The following TECPR1 variants were observed in gnomAD, a reference collection of about 807,000 sequenced individuals.
The protein encoded by TECPR1 is tectonin beta-propeller repeat-containing protein 1.
A neutral mutation model predicts 162.4 loss-of-function variants in TECPR1; 122 were observed. That is an observed-to-expected ratio of 0.75 (90% CI 0.65 to 0.87). The LOEUF (loss-of-function observed/expected upper bound fraction) is 0.87, where lower values mean the gene tolerates loss of function less well. Among genes scored for constraint, TECPR1 ranks in the 40% least tolerant of loss-of-function variants. TECPR1 has a pLI of 0.00. For missense variants in TECPR1, 1,432 were observed against 1,618.2 expected (o/e 0.88, Z 1.97); for synonymous variants, 642 against 670.6 (o/e 0.96, Z 0.66).
chr7:98,220,360 A>T (rs12535392), intron 23 of TECPR1, among the ~76,000 whole-genome samples: 128,187 of 151,982 alleles, frequency 0.84, 54,873 homozygotes, highest in East Asian at 0.94. Flanking sequence ...CAAAAAAAAA[A>T]TTTTTTAACG....
rs2116510178 is a variant in TECPR1 at position 98,215,451 on chromosome 7, T to C, written c.*1939A>G. 1 of 152,384 alleles carries C rather than the reference T, an allele frequency of 6.6e-6. No homozygotes were observed. Among genetic ancestry groups the C allele is most frequent in the South Asian group, 2.1e-4 (1 of 4,830 alleles). The allele number at this position is 152,384 out of a possible 1,614,324, so 9.4% of individuals were successfully genotyped here. On this transcript the variant is annotated 3_prime_UTR_variant, in exon 26 of 26. Coordinates refer to ENST00000447648, the MANE Select transcript of TECPR1 (RefSeq NM_015395.3). Reference sequence around the variant, plus strand: ...AAAAGATTTCACAGCAATGTCTGCTTCAGGCACACGGGGAACCACGCGTTT... The same window carrying C: ...AAAAGATTTCACAGCAATGTCTGCTCCAGGCACACGGGGAACCACGCGTTT...
chr7:98,217,868 T>C (rs1798054118), intron 24 of TECPR1, 57 bp from the exon 25 acceptor site: 5 of 1,541,618 alleles, frequency 3.2e-6, no homozygotes, highest in African/African-American at 1.4e-5. Context: ...CGGCTGGGCA[T>C]GGGATGGGGG....
intron 21 of TECPR1, 179 bp from the exon 22 acceptor site, chr7:98,222,700 C>T: frequency 1.1e-6 from 1 of 880,720 alleles, no homozygotes; most frequent in East Asian, 2.6e-5. Flanking sequence ...GGGCGCATCT[C>T]ATCCTCCTGC....
At chr7:98,228,981 G>A (rs959044265) in intron 16 of TECPR1, 58 bp downstream of exon 16, 46 of 1,560,952 alleles carry the variant, frequency 2.9e-5, no homozygotes, top group Non-Finnish European at 3.6e-5. Flanking sequence ...GAACCCAGAC[G>A]GGGACTAGAG....
chr7:98,223,834 C>T, intron 19 of TECPR1, 116 bp from the exon 20 acceptor site: 1 of 1,144,456 alleles, frequency 8.7e-7, no homozygotes, highest in Non-Finnish European at 1.3e-6. Flanking sequence ...GGGTGGAAGC[C>T]ATGGATGGGG....
intron 2 of TECPR1, chr7:98,250,814 C>T (rs1444592437): frequency 6.6e-6 from 1 of 151,910 alleles, no homozygotes; most frequent in Non-Finnish European, 1.5e-5. Context: ...ATCATTGAAT[C>T]TTCTGGGCAG....
At chr7:98,238,324 CG>C (rs958578392) in intron 9 of TECPR1, among the ~76,000 whole-genome samples, 184 bp downstream of exon 9, 2 of 152,108 alleles carry the variant, frequency 1.3e-5, no homozygotes, top group African/African-American at 4.8e-5. Flanking sequence ...GCTGTGCCAC[CG>C]GGGGGGTGGG....
chr7:98,246,423 T>A (rs943157014), intron 2 of TECPR1, among the ~76,000 whole-genome samples: 4 of 150,010 alleles, frequency 2.7e-5, no homozygotes, highest in African/African-American at 9.8e-5. Flanking sequence ...CCTGCCACCA[T>A]ACCCAGCTAG....
chr7:98,236,835 G>A lies in TECPR1; in HGVS notation c.1122C>T (p.Ala374=), dbSNP rs1268888663. 6.3e-7 allele frequency: 1 copy of A among 1,588,254 alleles called. No homozygotes were observed. The highest frequency in any genetic ancestry group is 8.5e-7 in the Non-Finnish European group (1 of 1,170,258). ...PSELSGKTWK[A]IIAARECDRS... ...GGTCACACTCTCGGGCCGCGATGAT[G>A]GCTTTCCAGGTCTTCCCACTGAGCT... The change falls in exon 10 of 26, where the codon GCC becomes GCT. Residue 374 remains alanine, a synonymous_variant. Transcript: ENST00000447648.
At chr7:98,247,142 A>C (rs996075266) in intron 2 of TECPR1, among the ~76,000 whole-genome samples, 1 of 151,540 alleles carries the variant, frequency 6.6e-6, no homozygotes, top group African/African-American at 2.4e-5. Context: ...TGTCTCAAAA[A>C]AAAAGAATTT....
rs1393927449 is a variant in TECPR1 at position 98,224,843 on chromosome 7, C to T, written c.2648G>A (p.Gly883Asp). The change falls in exon 19 of 26, where the codon GGC (glycine) becomes GAC (aspartate). Residue 883 changes from glycine to aspartate, a missense_variant. Coordinates refer to ENST00000447648, the MANE Select transcript of TECPR1 (RefSeq NM_015395.3). ...ATACTGCCACCCCTCCTGGTCCGTG[C>T]CCCCCGGAACGCTGAAATCCACGAA... ...DWFVDFSVPG[G>D]TDQEGWQYAS... 1.3e-6 allele frequency: 2 copies of T among 1,576,236 alleles called. No individual in the cohort carries two copies. The highest frequency in any genetic ancestry group is 1.2e-5 in the South Asian group (1 of 85,852).
chr7:98,219,800 C>G (rs1187061587), intron 23 of TECPR1, among the ~76,000 whole-genome samples: 1 of 151,902 alleles, frequency 6.6e-6, no homozygotes, highest in East Asian at 1.9e-4. Flanking sequence ...ACTCGGGAGG[C>G]TGAGGTAGGA....
intron 23 of TECPR1, among the ~76,000 whole-genome samples, chr7:98,219,710 T>C (rs1798097816): frequency 6.6e-6 from 1 of 152,100 alleles, no homozygotes; most frequent in Admixed American, 6.5e-5. Flanking sequence ...GAGACCAGCC[T>C]GACCAACACA....
chr7:98,236,679 C>G, intron 10 of TECPR1, 97 bp downstream of exon 10: 1 of 1,477,040 alleles, frequency 6.8e-7, no homozygotes, highest in East Asian at 2.5e-5. Flanking sequence ...GTCCTGGGAC[C>G]CAGTGGGGCA....
rs1006185961 is a variant in TECPR1, at chr7:98,215,193, C to G, written c.*2197G>C. The G allele has an allele frequency of 1.3e-5, 2 of 152,270 alleles. No individual in the cohort carries two copies. Among genetic ancestry groups the G allele is most frequent in the Non-Finnish European group, 1.5e-5 (1 of 68,060 alleles). The allele number at this position is 152,270 out of a possible 1,614,324, so 9.4% of individuals were successfully genotyped here. Reference sequence around the variant, plus strand: ...CCCCGGGGCTGTGGACGCACCCAGCCCCCGACAGACAGGCGCCCTGAGAGC... The same window carrying G: ...CCCCGGGGCTGTGGACGCACCCAGCGCCCGACAGACAGGCGCCCTGAGAGC... On this transcript the variant is annotated 3_prime_UTR_variant, in exon 26 of 26. Coordinates refer to ENST00000447648, the MANE Select transcript of TECPR1 (RefSeq NM_015395.3).
chr7:98,248,889 G>A (rs991817273), intron 2 of TECPR1, among the ~76,000 whole-genome samples: 6 of 150,372 alleles, frequency 4.0e-5, no homozygotes, highest in Admixed American at 1.3e-4. Context: ...GGGACAAGGT[G>A]CATCTTTTTT....
rs1798048117 is a variant in TECPR1, at chr7:98,217,683, C to T, written c.3384+9G>A. ...GATAACACAGCCCAAGGCCGCGGGC[C>T]CCGCTCACCCCGATGCCGTAGTCCC... On this transcript the variant is annotated intron_variant, in intron 25 of 25. Transcript: ENST00000447648. 9.1e-6 allele frequency: 14 copies of T among 1,535,410 alleles called. No individual in the cohort carries two copies. The highest frequency in any genetic ancestry group is 1.1e-5 in the Non-Finnish European group (13 of 1,138,348).
At chr7:98,222,829 G>T in intron 21 of TECPR1, 161 bp downstream of exon 21, 1 of 966,754 alleles carries the variant, frequency 1.0e-6, no homozygotes, top group South Asian at 1.5e-5. Flanking sequence ...CGCCCCACCC[G>T]CCTCATTCCT....
chr7:98,216,399 G>A lies in TECPR1; in HGVS notation c.*991C>T, dbSNP rs1229744162. 6.6e-6 allele frequency: 1 copy of A among 152,348 alleles called. No individual in the cohort carries two copies. Among genetic ancestry groups the A allele is most frequent in the Non-Finnish European group, 1.5e-5 (1 of 68,122 alleles). 9.4% of individuals were successfully genotyped at this position (152,348 alleles called of 1,614,324 possible). ...AGCGCATCTGGGGAAGGGGCCGAATGGGGGTTGATGATGGTGACTGCACAC... is the reference window on the plus strand; with the variant it reads ...AGCGCATCTGGGGAAGGGGCCGAATAGGGGTTGATGATGGTGACTGCACAC... On this transcript the variant is annotated 3_prime_UTR_variant, in exon 26 of 26. Coordinates refer to ENST00000447648, the MANE Select transcript of TECPR1 (RefSeq NM_015395.3).
Sources: gnomAD v4.1 joint callset for allele counts (sites outside exome capture counted in the v4.1 genomes callset) on GRCh38, gnomAD v4.1.1 for gene constraint, MANE v1.5 for transcripts, NCBI Gene and HGNC (gene_info 2026-07-23, HGNC 2026-07-21) for gene names.